DCAF1: variants seen among roughly 807,000 people sequenced by gnomAD.
The protein encoded by DCAF1 is DDB1- and CUL4-associated factor 1.
In DCAF1, 15 loss-of-function variants were observed where a neutral mutation model predicts 128.0. That is an observed-to-expected ratio of 0.12 (90% CI 0.08 to 0.18). The LOEUF (loss-of-function observed/expected upper bound fraction) is 0.18. Ranked by LOEUF, DCAF1 falls within the 10% of genes least tolerant of loss-of-function variation. The pLI, the probability that DCAF1 is intolerant of heterozygous loss-of-function variation, is 1.00. For synonymous variants in DCAF1, 610 were observed against 603.0 expected, an observed-to-expected ratio of 1.01 and a Z score of -0.17; for missense variants, 988 against 1,649.5, an observed-to-expected ratio of 0.60 and a Z score of 6.95.
chr3:51,395,908 T>TTTAC (rs1559458569), downstream of DCAF1: 1 of 413,518 alleles, frequency 2.4e-6, no homozygotes. Context: ...TTTTTGTTTT[T>TTTAC]TTACTTGAGC....
chr3:51,407,963 T>G, intron 23 of DCAF1, among the ~76,000 whole-genome samples: 1 of 110,118 alleles, frequency 9.1e-6, no homozygotes, highest in Non-Finnish European at 1.7e-5. Context: ...CCAGCCTGGG[T>G]GACAGGGCGA....
chr3:51,422,139 T>C (rs1699454153), intron 14 of DCAF1, among the ~76,000 whole-genome samples, 168 bp downstream of exon 14: 1 of 152,074 alleles, frequency 6.6e-6, no homozygotes, highest in Non-Finnish European at 1.5e-5. Flanking sequence ...TTTAAATTAG[T>C]TCCTGATCTG....
At chr3:51,458,622 C>T (rs7648777) in intron 6 of DCAF1, among the ~76,000 whole-genome samples, 3,598 of 152,234 alleles carry the variant, frequency 0.024, 130 homozygotes, top group African/African-American at 0.08. Flanking sequence ...TTCTTTTCAG[C>T]GCCACACCAC....
chr3:51,475,359 T>C (rs1705303338), intron 3 of DCAF1, among the ~76,000 whole-genome samples: 1 of 152,138 alleles, frequency 6.6e-6, no homozygotes, highest in South Asian at 2.1e-4. Context: ...CCCAGCACTT[T>C]GGGAGGCCAA....
chr3:51,424,980 T>C (rs946112668), intron 13 of DCAF1, among the ~76,000 whole-genome samples: 1 of 152,212 alleles, frequency 6.6e-6, no homozygotes, highest in African/African-American at 2.4e-5. Context: ...TGCCTTTCTA[T>C]GTTTTGAAAA....
At chr3:51,492,541 C>G (rs566753111) in intron 2 of DCAF1, among the ~76,000 whole-genome samples, 1 of 152,040 alleles carries the variant, frequency 6.6e-6, no homozygotes, top group Admixed American at 6.6e-5. Context: ...GGCCAAGAAA[C>G]GCATGAAAGA....
At chr3:51,429,879 G>A (rs1559501534) in intron 11 of DCAF1, among the ~76,000 whole-genome samples, 154 bp downstream of exon 11, 1 of 151,292 alleles carries the variant, frequency 6.6e-6, no homozygotes, top group Non-Finnish European at 1.5e-5. Context: ...AGAGAAATTT[G>A]TGAAGAAAGG....
chr3:51,403,516 G>A, intron 23 of DCAF1, 121 bp from the exon 24 acceptor site: 1 of 1,448,952 alleles, frequency 6.9e-7, no homozygotes, highest in Non-Finnish European at 9.1e-7. Context: ...TAGTGATCTA[G>A]ACGAGCACAG....
intron 6 of DCAF1, among the ~76,000 whole-genome samples, chr3:51,449,568 T>C (rs1294631816): frequency 6.6e-6 from 1 of 151,972 alleles, no homozygotes; most frequent in Non-Finnish European, 1.5e-5. Context: ...TCAAATCAAA[T>C]TAGGAACTAG....
At chr3:51,426,895 C>T (rs993939564) in intron 13 of DCAF1, among the ~76,000 whole-genome samples, 15 of 152,188 alleles carry the variant, frequency 9.9e-5, no homozygotes, top group Admixed American at 1.3e-4. Context: ...ACATCAGCCA[C>T]CCTTTTCTGG....
chr3:51,456,051 C>T (rs965317829), intron 6 of DCAF1, among the ~76,000 whole-genome samples: 2 of 152,178 alleles, frequency 1.3e-5, no homozygotes, highest in Admixed American at 1.3e-4. Flanking sequence ...GAGTGCCAGA[C>T]AGTAGGTGCA....
chr3:51,455,051 A>G (rs1702756856), intron 6 of DCAF1, among the ~76,000 whole-genome samples: 1 of 152,108 alleles, frequency 6.6e-6, no homozygotes, highest in African/African-American at 2.4e-5. Context: ...TCTTCCTAAC[A>G]CTTACTCTTA....
At position 51,498,042 on chromosome 3, in the gene DCAF1, T is replaced by G. The variant is rs1389219585; in HGVS notation, c.-55-1262A>C. ...TCCAGCCTGGGCAACACAGTGAGAC[T>G]CTGTCTCAAAAAAAAAAAAAAAAAA... On this transcript the variant is annotated intron_variant, in intron 1 of 24. Transcript: ENST00000684031. 3.8e-3 allele frequency among the ~76,000 whole-genome samples: 198 copies of G among 52,678 alleles called. No individual in the cohort carries two copies. The Middle Eastern group carries it at 0.11, about 30-fold the overall frequency. 34.6% of individuals were successfully genotyped at this position (52,678 alleles called of 152,430 possible).
intron 2 of DCAF1, among the ~76,000 whole-genome samples, chr3:51,496,017 C>T (rs1424883330): frequency 1.3e-5 from 2 of 151,160 alleles, no homozygotes; most frequent in Non-Finnish European, 3.0e-5. Flanking sequence ...AAAGGCCGGG[C>T]ACAGTGGCTC....
Position 51,463,227 on chromosome 3 carries a change from GCTGT to G in DCAF1, c.262-4_262-1del. 1 of 1,539,350 alleles carries G rather than the reference GCTGT, an allele frequency of 6.5e-7. No individual in the cohort carries two copies. The highest frequency in any genetic ancestry group is 8.7e-7 in the Non-Finnish European group (1 of 1,145,928). ...CTTGTCATCACATATGCATTCACCA[GCTGT>G]AAAGAAAAAAAAGAAATACTGTTCA... On this transcript the variant is annotated splice_acceptor_variant and splice_polypyrimidine_tract_variant and intron_variant, in intron 5 of 24. Coordinates refer to ENST00000684031, the MANE Select transcript of DCAF1 (RefSeq NM_001387579.1). LOFTEE classifies it high-confidence loss of function.
At chr3:51,423,128 GA>G (rs1440001973) in intron 13 of DCAF1, among the ~76,000 whole-genome samples, 4 of 151,890 alleles carry the variant, frequency 2.6e-5, no homozygotes, top group African/African-American at 9.7e-5. Flanking sequence ...CTGGAAATAT[GA>G]AACAAGATTC....
At chr3:51,423,933 C>T (rs1320268975) in intron 13 of DCAF1, among the ~76,000 whole-genome samples, 1 of 151,758 alleles carries the variant, frequency 6.6e-6, no homozygotes, top group East Asian at 1.9e-4. Flanking sequence ...GACAAGAGCA[C>T]CATATGTGTT....
intron 4 of DCAF1, among the ~76,000 whole-genome samples, chr3:51,469,991 C>T (rs1490138695): frequency 6.6e-6 from 1 of 151,470 alleles, no homozygotes; most frequent in South Asian, 2.1e-4. Context: ...ACTGCACTGC[C>T]GGCTGGGCGA....
intron 2 of DCAF1, among the ~76,000 whole-genome samples, chr3:51,490,136 C>T (rs1553657279): frequency 6.6e-6 from 1 of 151,964 alleles, no homozygotes. Context: ...GGCACAAGGC[C>T]GGGAAGGGTG....
Sources: allele counts gnomAD v4.1 joint callset (sites outside exome capture counted in the v4.1 genomes callset), GRCh38; gene constraint gnomAD v4.1.1; transcripts MANE v1.5; gene names NCBI Gene and HGNC (gene_info 2026-07-23, HGNC 2026-07-21).